Variants in LGSN observed in about 807,000 individuals in gnomAD.
The protein encoded by LGSN is lengsin, lens protein with glutamine synthetase domain, also known as lengsin.
Under a neutral mutation model 19.5 loss-of-function variants are expected in LGSN, and 21 were observed. The observed-to-expected ratio is 1.07, with a 90% CI of 0.76 to 1.55. The LOEUF is 1.55. Ranked by LOEUF, LGSN falls within the 40% of genes most tolerant of loss-of-function variation. The pLI is 0.00. For synonymous variants in LGSN, 257 were observed against 215.6 expected, an observed-to-expected ratio of 1.19 and a Z score of -1.68; for missense variants, 673 against 608.5, an observed-to-expected ratio of 1.11 and a Z score of -1.12.
At chr6:63,399,524 A>G in the LGSN span, among the ~76,000 whole-genome samples, 2 of 151,104 alleles carry the variant, frequency 1.3e-5, no homozygotes, top group Non-Finnish European at 2.9e-5. Context: ...CCTCCTGAGT[A>G]GCTGGGATTA....
the LGSN span, among the ~76,000 whole-genome samples, chr6:63,452,554 A>G: frequency 2.0e-5 from 3 of 152,146 alleles, no homozygotes; most frequent in Non-Finnish European, 4.4e-5. Context: ...CTGTTTTCAA[A>G]TATATTGAAA....
At chr6:63,363,184 C>T in the LGSN span, among the ~76,000 whole-genome samples, 2 of 152,224 alleles carry the variant, frequency 1.3e-5, no homozygotes, top group Non-Finnish European at 2.9e-5. Context: ...TACACCAAAA[C>T]CCCATCTGTA....
chr6:63,319,333 G>A (rs13212744), intron 1 of LGSN, among the ~76,000 whole-genome samples: 3,173 of 152,280 alleles, frequency 0.021, 43 homozygotes, highest in Non-Finnish European at 0.033. Flanking sequence ...TTGCCTCCAA[G>A]TCTGCACTTC....
At chr6:63,330,002 G>A in the LGSN span, among the ~76,000 whole-genome samples, 48 of 152,288 alleles carry the variant, frequency 3.2e-4, no homozygotes, top group African/African-American at 1.1e-3. Flanking sequence ...GCCCTCAATA[G>A]TTAAACATAC....
chr6:63,345,346 C>T, the LGSN span, among the ~76,000 whole-genome samples: 22 of 152,102 alleles, frequency 1.4e-4, no homozygotes, highest in Non-Finnish European at 5.9e-5. Flanking sequence ...TCTGTGTCAG[C>T]TAAGATTGGG....
chr6:63,285,712 GTT>G lies in LGSN; in HGVS notation c.203_204del (p.Gln68ProfsTer4), dbSNP rs780965795. 2.7e-5 allele frequency: 44 copies of G among 1,613,960 alleles called. No individual in the cohort carries two copies. The highest frequency in any genetic ancestry group is 3.4e-5 in the Non-Finnish European group (40 of 1,179,968). ...CTAATGTGTTTCATTCTAGAAGAGA[GTT>G]GAGGTGGGGTCAAAATTTGACTGCT... ...RDSSQILTPP[Q>X]LSSRMKHIRQ... On this transcript the variant is annotated frameshift_variant, in exon 3 of 4. Coordinates refer to ENST00000370657, the MANE Select transcript of LGSN (RefSeq NM_016571.3). LOFTEE classifies it high-confidence loss of function.
the LGSN span, among the ~76,000 whole-genome samples, chr6:63,371,480 T>C: frequency 6.6e-6 from 1 of 152,246 alleles, no homozygotes; most frequent in Non-Finnish European, 1.5e-5. Flanking sequence ...AAATACTTTT[T>C]TTAGAAATAG....
chr6:63,554,290 G>T, the LGSN span, among the ~76,000 whole-genome samples: 18 of 152,150 alleles, frequency 1.2e-4, no homozygotes, highest in Non-Finnish European at 2.9e-5. Context: ...CAAAGTATAT[G>T]AAAAGCATTC....
chr6:63,568,639 T>C, the LGSN span, among the ~76,000 whole-genome samples: 13 of 151,224 alleles, frequency 8.6e-5, no homozygotes, highest in Non-Finnish European at 1.5e-5. Flanking sequence ...CAAAAAGCTG[T>C]CACAAACCAT....
At chr6:63,418,041 CAT>C in the LGSN span, among the ~76,000 whole-genome samples, 3 of 152,144 alleles carry the variant, frequency 2.0e-5, no homozygotes, top group Non-Finnish European at 4.4e-5. Flanking sequence ...ACTGGAAACA[CAT>C]GATTACAGTG....
the LGSN span, among the ~76,000 whole-genome samples, chr6:63,417,816 T>C: frequency 2.6e-5 from 4 of 152,192 alleles, no homozygotes; most frequent in Non-Finnish European, 5.9e-5. Flanking sequence ...ATAGATACAG[T>C]GACAGTGTGA....
At chr6:63,419,880 CAAAAAAAAAAAAAAAAAAAA>C in the LGSN span, among the ~76,000 whole-genome samples, 56 of 57,332 alleles carry the variant, frequency 9.8e-4, no homozygotes, top group African/African-American at 2.6e-3. Context: ...AACTCCCTCC[CAAAAAAAAAAAAAAAAAAAA>C]AAAAAAAAAA....
At position 63,281,210 on chromosome 6, in the gene LGSN, C is replaced by T. The variant is rs775734219; in HGVS notation, c.341G>A (p.Ser114Asn). The change falls in exon 4 of 4, where the codon AGC becomes AAC. Residue 114 changes from serine to asparagine, a missense_variant. Physicochemically the swap from Ser to Asn is conservative, Grantham distance 46 (BLOSUM62 1). Transcript: ENST00000370657. ...ACCTCGGGGCATGCAAACACCATGG[C>T]TCACTTTCTCCTAAAGAAGGAAAAA... Reference protein sequence around the residue: ...IPAHFFQEKVSHGVCMPRGYL... With the variant: ...IPAHFFQEKVNHGVCMPRGYL... 1 of 1,542,124 alleles carries T rather than the reference C, an allele frequency of 6.5e-7. No homozygotes were observed. The highest frequency in any genetic ancestry group is 1.9e-5 in the Admixed American group (1 of 51,412).
chr6:63,350,843 T>TAA, the LGSN span, among the ~76,000 whole-genome samples: 9 of 138,222 alleles, frequency 6.5e-5, no homozygotes, highest in Non-Finnish European at 7.8e-5. Flanking sequence ...CAGAGCCATC[T>TAA]AAAAAAAAAA....
chr6:63,285,143 A>G (rs1767475357), intron 3 of LGSN, among the ~76,000 whole-genome samples: 1 of 152,222 alleles, frequency 6.6e-6, no homozygotes, highest in Non-Finnish European at 1.5e-5. Context: ...ATATTTTCTT[A>G]TCAGAATTTG....
the LGSN span, chr6:63,549,099 C>A: frequency 2.8e-3 from 1,995 of 706,004 alleles, 10 homozygotes; most frequent in Non-Finnish European, 4.1e-3. Context: ...AACTCCTGCT[C>A]GAAGGACAGG....
At chr6:63,301,657 G>C (rs1396572314) in intron 1 of LGSN, among the ~76,000 whole-genome samples, 1 of 151,948 alleles carries the variant, frequency 6.6e-6, no homozygotes, top group Non-Finnish European at 1.5e-5. Context: ...GAGTTCACAG[G>C]GGAAAAAAGT....
the LGSN span, among the ~76,000 whole-genome samples, chr6:63,457,458 T>C: frequency 6.6e-6 from 1 of 152,146 alleles, no homozygotes; most frequent in South Asian, 2.1e-4. Context: ...TGAGCCAAGA[T>C]TGCACCACTG....
At chr6:63,332,159 G>T in the LGSN span, among the ~76,000 whole-genome samples, 1 of 152,144 alleles carries the variant, frequency 6.6e-6, no homozygotes, top group African/African-American at 2.4e-5. Context: ...ACTATGACAG[G>T]GCTTTGGGCA....
Sources: allele counts gnomAD v4.1 joint callset (sites outside exome capture counted in the v4.1 genomes callset), GRCh38; gene constraint gnomAD v4.1.1; transcripts MANE v1.5; gene names NCBI Gene and HGNC (gene_info 2026-07-23, HGNC 2026-07-21).